Variants in RAB3C observed in about 807,000 individuals in gnomAD.
RAB3C encodes RAB3C, member RAS oncogene family.
Under a neutral mutation model 26.4 loss-of-function variants are expected in RAB3C, and 17 were observed. The ratio of observed to expected loss-of-function variants is 0.64; its 90% CI spans 0.44 to 0.97. The LOEUF (loss-of-function observed/expected upper bound fraction) is 0.97. Ranked by LOEUF, RAB3C falls within the 50% of genes least tolerant of loss-of-function variation. The pLI is 0.00. For synonymous variants in RAB3C, 91 were observed against 95.9 expected, an observed-to-expected ratio of 0.95 and a Z score of 0.30; for missense variants, 242 against 281.9, an observed-to-expected ratio of 0.86 and a Z score of 1.01.
At chr5:58,647,034 A>G (rs1004700947) in intron 2 of RAB3C, among the ~76,000 whole-genome samples, 2 of 152,182 alleles carry the variant, frequency 1.3e-5, no homozygotes, top group African/African-American at 4.8e-5. Context: ...GCTTGATCCA[A>G]TATTCCTCTT....
At chr5:58,764,033 T>TA (rs2111979584) in intron 3 of RAB3C, among the ~76,000 whole-genome samples, 1 of 152,078 alleles carries the variant, frequency 6.6e-6, no homozygotes, top group East Asian at 1.9e-4. Context: ...TTATTTTCTT[T>TA]AAAAAATAGA....
At chr5:58,751,506 G>A (rs549278940) in intron 3 of RAB3C, among the ~76,000 whole-genome samples, 6 of 152,274 alleles carry the variant, frequency 3.9e-5, no homozygotes, top group East Asian at 1.9e-4. Context: ...AGGCTTGGAC[G>A]GAAGCCATGA....
intron 3 of RAB3C, among the ~76,000 whole-genome samples, chr5:58,729,852 T>G (rs1740972688): frequency 6.8e-6 from 1 of 146,200 alleles, no homozygotes; most frequent in Non-Finnish European, 1.5e-5. Context: ...CACATATACA[T>G]ATACTATATG....
chr5:58,763,762 G>T (rs1741842421), intron 3 of RAB3C, among the ~76,000 whole-genome samples: 1 of 152,190 alleles, frequency 6.6e-6, no homozygotes, highest in African/African-American at 2.4e-5. Flanking sequence ...TTTAGAGTAA[G>T]AAAGTTATTT....
At chr5:58,687,234 T>C (rs1748463240) in intron 2 of RAB3C, among the ~76,000 whole-genome samples, 1 of 152,134 alleles carries the variant, frequency 6.6e-6, no homozygotes, top group African/African-American at 2.4e-5. Context: ...CTTCGCAAAA[T>C]GTGCATCTAT....
At chr5:58,835,450 GTCTA>G (rs890226858) in intron 4 of RAB3C, among the ~76,000 whole-genome samples, 3 of 152,132 alleles carry the variant, frequency 2.0e-5, no homozygotes, top group Non-Finnish European at 4.4e-5. Flanking sequence ...AAGCCCCACT[GTCTA>G]TCTGTTACTT....
chr5:58,699,122 C>A (rs966666993), intron 2 of RAB3C, among the ~76,000 whole-genome samples: 1 of 152,090 alleles, frequency 6.6e-6, no homozygotes, highest in Non-Finnish European at 1.5e-5. Context: ...GTGTAGATGA[C>A]CTTTTTGTTG....
chr5:58,708,204 G>A (rs1748986517), intron 2 of RAB3C, among the ~76,000 whole-genome samples: 1 of 151,994 alleles, frequency 6.6e-6, no homozygotes. Flanking sequence ...TGCCCAGGCT[G>A]GTCTCAAACT....
At chr5:58,742,395 T>G (rs920061640) in intron 3 of RAB3C, among the ~76,000 whole-genome samples, 1 of 152,118 alleles carries the variant, frequency 6.6e-6, no homozygotes, top group Non-Finnish European at 1.5e-5. Context: ...TGACCTCCTA[T>G]TCTGTCCATA....
chr5:58,682,346 T>C (rs1748363244), intron 2 of RAB3C, among the ~76,000 whole-genome samples: 1 of 152,216 alleles, frequency 6.6e-6, no homozygotes, highest in Non-Finnish European at 1.5e-5. Context: ...ACTGCCACTA[T>C]GTTAAAATAG....
intron 4 of RAB3C, among the ~76,000 whole-genome samples, chr5:58,838,817 T>A (rs888296918): frequency 1.3e-5 from 2 of 152,230 alleles, no homozygotes; most frequent in African/African-American, 4.8e-5. Flanking sequence ...ATTATTGAAC[T>A]ATTATATCAC....
intron 3 of RAB3C, among the ~76,000 whole-genome samples, chr5:58,740,996 G>T (rs1288524491): frequency 1.3e-5 from 2 of 152,110 alleles, no homozygotes; most frequent in Non-Finnish European, 2.9e-5. Context: ...CTACAAATTT[G>T]GGGTTTTCTG....
At chr5:58,693,171 A>G (rs1324140352) in intron 2 of RAB3C, among the ~76,000 whole-genome samples, 1 of 147,072 alleles carries the variant, frequency 6.8e-6, no homozygotes, top group East Asian at 1.9e-4. Context: ...TAAATTATAT[A>G]AATATAATTA....
At chr5:58,736,835 T>C (rs918158154) in intron 3 of RAB3C, among the ~76,000 whole-genome samples, 3 of 152,220 alleles carry the variant, frequency 2.0e-5, no homozygotes, top group Non-Finnish European at 4.4e-5. Context: ...TGCTGCCACC[T>C]GGTTATGCCA....
chr5:58,715,553 A>G (rs1393667707), intron 2 of RAB3C, among the ~76,000 whole-genome samples: 1 of 152,146 alleles, frequency 6.6e-6, no homozygotes, highest in Non-Finnish European at 1.5e-5. Context: ...TGCCGGTGAC[A>G]CAGTAGATTT....
chr5:58,766,644 C>T (rs755220266), intron 3 of RAB3C, among the ~76,000 whole-genome samples: 10 of 152,042 alleles, frequency 6.6e-5, no homozygotes, highest in Non-Finnish European at 8.8e-5. Flanking sequence ...GGGTGTATTG[C>T]CACCATGACT....
intron 3 of RAB3C, among the ~76,000 whole-genome samples, chr5:58,745,622 A>G (rs901827305): frequency 6.6e-6 from 1 of 152,120 alleles, no homozygotes; most frequent in African/African-American, 2.4e-5. Context: ...TAATGAGAGT[A>G]AAGTCCTGGC....
chr5:58,671,651 AT>A (rs1748120871), intron 2 of RAB3C, among the ~76,000 whole-genome samples: 1 of 152,172 alleles, frequency 6.6e-6, no homozygotes, highest in Admixed American at 6.5e-5. Context: ...TCTGTTACAG[AT>A]ACATTGATTG....
intron 2 of RAB3C, among the ~76,000 whole-genome samples, chr5:58,653,975 C>T (rs1031634782): frequency 3.3e-5 from 5 of 152,176 alleles, no homozygotes; most frequent in Admixed American, 6.5e-5. Flanking sequence ...AAGTGTTTTA[C>T]ATTAAATAAC....
Sources: gnomAD v4.1 joint callset for allele counts (sites outside exome capture counted in the v4.1 genomes callset) on GRCh38, gnomAD v4.1.1 for gene constraint, MANE v1.5 for transcripts, NCBI Gene and HGNC (gene_info 2026-07-23, HGNC 2026-07-21) for gene names.